The following ACACA variants were observed in gnomAD, a reference collection of about 807,000 sequenced individuals.
The protein encoded by ACACA is acetyl-CoA carboxylase alpha, also known as acetyl-CoA carboxylase 1.
Under a neutral mutation model 296.1 loss-of-function variants are expected in ACACA, and 103 were observed. That is an observed-to-expected ratio of 0.35 (90% CI 0.30 to 0.41). The LOEUF (loss-of-function observed/expected upper bound fraction) is 0.41, where lower values mean the gene tolerates loss of function less well. Among genes scored for constraint, ACACA ranks in the 10% least tolerant of loss-of-function variants. The pLI is 1.00. For missense variants in ACACA, 1,554 were observed against 2,989.7 expected (o/e 0.52, Z 11.20); for synonymous variants, 953 against 1,038.6 (o/e 0.92, Z 1.58).
intron 25 of ACACA, among the ~76,000 whole-genome samples, chr17:37,232,940 C>T (rs949057047): frequency 1.3e-5 from 2 of 152,108 alleles, no homozygotes; most frequent in African/African-American, 4.8e-5. Context: ...CAAACTCAAA[C>T]TCTGAAACAG....
chr17:37,377,902 C>T (rs1197923789), intron 1 of ACACA: 1 of 1,613,512 alleles, frequency 6.2e-7, no homozygotes, highest in South Asian at 1.1e-5. Context: ...CAGTTGCCGA[C>T]TGGAACAGCT....
chr17:37,210,075 A>G (rs2078679603), intron 30 of ACACA, among the ~76,000 whole-genome samples: 1 of 152,220 alleles, frequency 6.6e-6, no homozygotes, highest in Non-Finnish European at 1.5e-5. Context: ...AGAGAAACTA[A>G]AAATTGTAAA....
intron 55 of ACACA, 103 bp from the exon 56 acceptor site, chr17:37,087,542 A>G (rs1369981102): frequency 3.6e-6 from 5 of 1,394,402 alleles, no homozygotes; most frequent in African/African-American, 1.4e-5. Flanking sequence ...CGTCCACTGC[A>G]GACATTTTAG....
chr17:37,218,657 A>G (rs1164286745), intron 29 of ACACA, among the ~76,000 whole-genome samples: 2 of 152,198 alleles, frequency 1.3e-5, no homozygotes, highest in African/African-American at 4.8e-5. Context: ...CCCTCAGATA[A>G]TTTTGAGAAT....
intron 11 of ACACA, among the ~76,000 whole-genome samples, chr17:37,261,563 G>A (rs1598345164): frequency 1.3e-5 from 2 of 152,216 alleles, no homozygotes; most frequent in South Asian, 4.1e-4. Context: ...TGAAAGTTCT[G>A]CCAAAGAAGG....
intron 48 of ACACA, 124 bp downstream of exon 48, chr17:37,125,574 T>A (rs1429935467): frequency 1.0e-6 from 1 of 986,204 alleles, no homozygotes; most frequent in East Asian, 2.6e-5. Flanking sequence ...ATGGCTATAA[T>A]CCAATATTCT....
intron 18 of ACACA, 96 bp downstream of exon 18, chr17:37,247,915 T>C (rs2080795884): frequency 5.4e-6 from 8 of 1,475,404 alleles, no homozygotes; most frequent in Non-Finnish European, 7.5e-6. Context: ...TACAAATGAG[T>C]ACCAAGAAAA....
chr17:37,126,111 A>G (rs1297674155), intron 47 of ACACA, among the ~76,000 whole-genome samples: 2 of 152,246 alleles, frequency 1.3e-5, no homozygotes, highest in African/African-American at 4.8e-5. Context: ...TCAAGACACT[A>G]CAAACATTTG....
rs2147871317 is a variant in ACACA, at chr17:37,406,615, G to T, written c.-316C>A. On this transcript the variant is annotated 5_prime_UTR_variant, in exon 1 of 56. In the 5' UTR this introduces an upstream ATG that the reference lacks. Coordinates refer to ENST00000616317, the MANE Select transcript of ACACA (RefSeq NM_198834.3). Reference sequence around the variant, plus strand: ...ACCGCACTCCGGAGGGGACCAAACAGCCCCACGCGCCAGGAAGCCTCAGGC... The same window carrying T: ...ACCGCACTCCGGAGGGGACCAAACATCCCCACGCGCCAGGAAGCCTCAGGC... 1 of 533,822 alleles carries T rather than the reference G, an allele frequency of 1.9e-6. No homozygotes were observed. The highest frequency in any genetic ancestry group is 3.3e-5 in the East Asian group (1 of 30,080). 33.1% of individuals were successfully genotyped at this position (533,822 alleles called of 1,614,324 possible).
chr17:37,144,459 A>T (rs897491657), intron 45 of ACACA: 3 of 281,136 alleles, frequency 1.1e-5, no homozygotes, highest in African/African-American at 6.7e-5. Context: ...TTGAGCCTCC[A>T]TGACTTTCAT....
At chr17:37,330,729 C>A (rs2147224817) in intron 2 of ACACA, among the ~76,000 whole-genome samples, 1 of 152,230 alleles carries the variant, frequency 6.6e-6, no homozygotes, top group Admixed American at 6.5e-5. Flanking sequence ...TAATTATGAT[C>A]AATGGGGAAA....
chr17:37,095,094 A>T (rs913275667), intron 54 of ACACA, among the ~76,000 whole-genome samples: 1 of 152,174 alleles, frequency 6.6e-6, no homozygotes, highest in Non-Finnish European at 1.5e-5. Flanking sequence ...GCCTGGGGGG[A>T]AACTTCCTTC....
At chr17:37,324,323 G>A (rs1376848244) in intron 3 of ACACA, among the ~76,000 whole-genome samples, 4 of 151,032 alleles carry the variant, frequency 2.6e-5, no homozygotes, top group Admixed American at 6.6e-5. Context: ...CCGAGATTGC[G>A]CCACTGCACT....
At chr17:37,206,612 AT>A (rs1478406215) in intron 32 of ACACA, among the ~76,000 whole-genome samples, 170 bp downstream of exon 32, 1 of 152,188 alleles carries the variant, frequency 6.6e-6, no homozygotes, top group Non-Finnish European at 1.5e-5. Flanking sequence ...TAGGATTTAT[AT>A]TCCACTTGTT....
chr17:37,360,054 T>A lies in ACACA; in HGVS notation c.39-20204A>T, dbSNP rs151005382. On this transcript the variant is annotated intron_variant, in intron 1 of 55. Coordinates refer to ENST00000616317, the MANE Select transcript of ACACA (RefSeq NM_198834.3). ...CGCCGAGCCTTTGAGAGGAAGCCAGTCGGTGTCTCTAGTTTTGCCAGTTAC... is the reference window on the plus strand; with the variant it reads ...CGCCGAGCCTTTGAGAGGAAGCCAGACGGTGTCTCTAGTTTTGCCAGTTAC... Among the ~76,000 whole-genome samples, 201 of 152,224 alleles carry A rather than the reference T, an allele frequency of 1.3e-3. 2 individuals carry two copies. Among genetic ancestry groups the A allele is most frequent in the Middle Eastern group, 3.4e-3 (1 of 294 alleles).
chr17:37,234,650 A>G (rs1487363485), intron 25 of ACACA, among the ~76,000 whole-genome samples: 3 of 152,178 alleles, frequency 2.0e-5, no homozygotes, highest in Admixed American at 6.5e-5. Flanking sequence ...TATTGGCTAA[A>G]TAAGATGAAA....
At chr17:37,378,494 C>T (rs926894064) in intron 1 of ACACA, among the ~76,000 whole-genome samples, 1 of 152,164 alleles carries the variant, frequency 6.6e-6, no homozygotes, top group Non-Finnish European at 1.5e-5. Context: ...AGGTGGATCA[C>T]TTGAGCTTAC....
chr17:37,335,407 G>A (rs4795192), intron 2 of ACACA, among the ~76,000 whole-genome samples: 56,067 of 151,284 alleles, frequency 0.37, 14,036 homozygotes, highest in African/African-American at 0.71. Flanking sequence ...TATAGACACA[G>A]CCAACTCCCA....
intron 1 of ACACA, among the ~76,000 whole-genome samples, chr17:37,340,522 GT>G (rs1459066242): frequency 6.6e-6 from 1 of 152,194 alleles, no homozygotes; most frequent in African/African-American, 2.4e-5. Context: ...TCAACTTTAA[GT>G]TCCACAGTTA....
Sources: allele counts gnomAD v4.1 joint callset (sites outside exome capture counted in the v4.1 genomes callset), GRCh38; gene constraint gnomAD v4.1.1; transcripts MANE v1.5; gene names NCBI Gene and HGNC (gene_info 2026-07-23, HGNC 2026-07-21).